The following ADCY2 variants were observed in gnomAD, a reference collection of about 807,000 sequenced individuals.
ADCY2 encodes adenylate cyclase 2, also known as adenylate cyclase type 2.
Under a neutral mutation model 125.2 loss-of-function variants are expected in ADCY2, and 31 were observed. That is an observed-to-expected ratio of 0.25 (90% CI 0.19 to 0.33). The LOEUF (loss-of-function observed/expected upper bound fraction) is 0.33, where lower values mean the gene tolerates loss of function less well. ADCY2 is among the 10% of genes least tolerant of loss of function. The pLI is 1.00. For missense variants in ADCY2, 904 were observed against 1,418.2 expected, an observed-to-expected ratio of 0.64 and a Z score of 5.82; for synonymous variants, 512 against 548.4, an observed-to-expected ratio of 0.93 and a Z score of 0.93.
intron 16 of ADCY2, among the ~76,000 whole-genome samples, chr5:7,761,154 T>TTTCTTTTC (rs1427986793): frequency 3.7e-4 from 48 of 129,644 alleles, no homozygotes; most frequent in African/African-American, 1.4e-3. Flanking sequence ...TTTTCTTTTT[T>TTTCTTTTC]TTTTTTTTTT....
At chr5:7,750,314 A>G (rs955830273) in intron 15 of ADCY2, among the ~76,000 whole-genome samples, 2 of 152,162 alleles carry the variant, frequency 1.3e-5, no homozygotes, top group African/African-American at 4.8e-5. Flanking sequence ...CACATGATTA[A>G]CAAAGTATAT....
chr5:7,556,032 T>TA (rs1325323447), intron 3 of ADCY2, among the ~76,000 whole-genome samples: 1 of 152,090 alleles, frequency 6.6e-6, no homozygotes, highest in Non-Finnish European at 1.5e-5. Flanking sequence ...ATAAAAATGA[T>TA]AAAAAACTTA....
chr5:7,614,827 C>A (rs1405323048), intron 3 of ADCY2, among the ~76,000 whole-genome samples: 1 of 152,222 alleles, frequency 6.6e-6, no homozygotes, highest in East Asian at 1.9e-4. Context: ...TGTTGGGTAG[C>A]TGATTCCCCA....
chr5:7,598,153 G>C (rs575270513), intron 3 of ADCY2, among the ~76,000 whole-genome samples: 2 of 152,208 alleles, frequency 1.3e-5, no homozygotes, highest in Non-Finnish European at 2.9e-5. Flanking sequence ...GAGCTAAAAA[G>C]CTTTCGTCTT....
chr5:7,692,548 A>G (rs1561170152), intron 5 of ADCY2, among the ~76,000 whole-genome samples: 1 of 152,244 alleles, frequency 6.6e-6, no homozygotes, highest in South Asian at 2.1e-4. Context: ...CTATACAATT[A>G]TAGAAGAAAC....
At chr5:7,498,229 T>C (rs1353011263) in intron 2 of ADCY2, among the ~76,000 whole-genome samples, 1 of 150,716 alleles carries the variant, frequency 6.6e-6, no homozygotes, top group Non-Finnish European at 1.5e-5. Context: ...AAAACTCTTT[T>C]TCTTTTTTCG....
At chr5:7,569,885 A>G (rs1289596861) in intron 3 of ADCY2, among the ~76,000 whole-genome samples, 4 of 152,176 alleles carry the variant, frequency 2.6e-5, no homozygotes, top group Admixed American at 2.0e-4. Flanking sequence ...TCAGTCTTCT[A>G]CTCACACGTG....
intron 2 of ADCY2, among the ~76,000 whole-genome samples, chr5:7,495,929 G>A (rs1041196183): frequency 3.3e-5 from 5 of 152,058 alleles, no homozygotes; most frequent in South Asian, 2.1e-4. Context: ...TTTCTTTCAC[G>A]CCTACCAATA....
At position 7,730,246 on chromosome 5, in the gene ADCY2, C is replaced by T. The variant is rs560576210; in HGVS notation, c.1871+2985C>T. On this transcript the variant is annotated intron_variant, in intron 14 of 24. Coordinates refer to ENST00000338316, the MANE Select transcript of ADCY2 (RefSeq NM_020546.3). ...TTTTTTTGGCAGAGTAATTTTCCAT[C>T]GTGTATGTATGCTACATTTCATTTA... 9.4e-4 allele frequency among the ~76,000 whole-genome samples: 143 copies of T among 152,272 alleles called. 2 individuals carry two copies. The highest frequency in any genetic ancestry group is 1.6e-3 in the Non-Finnish European group (111 of 68,020).
At chr5:7,718,108 A>G (rs1272774778) in intron 12 of ADCY2, among the ~76,000 whole-genome samples, 4 of 151,782 alleles carry the variant, frequency 2.6e-5, no homozygotes. Context: ...AGGGCCTCAA[A>G]TAGTGCATGG....
At chr5:7,660,225 A>G (rs1739473335) in intron 4 of ADCY2, among the ~76,000 whole-genome samples, 1 of 126,648 alleles carries the variant, frequency 7.9e-6, no homozygotes. Context: ...GGAGGGAGGG[A>G]GGGAGGGAGG....
chr5:7,533,073 A>T (rs951736628), intron 3 of ADCY2, among the ~76,000 whole-genome samples: 5 of 149,746 alleles, frequency 3.3e-5, no homozygotes, highest in African/African-American at 1.2e-4. Context: ...ATATATACAT[A>T]TATAAACATA....
chr5:7,566,627 A>G (rs181763615), intron 3 of ADCY2, among the ~76,000 whole-genome samples: 139 of 152,274 alleles, frequency 9.1e-4, no homozygotes, highest in African/African-American at 2.6e-3. Context: ...GTAGATGTCA[A>G]CTTCGCAACA....
At chr5:7,534,781 T>A (rs1298863754) in intron 3 of ADCY2, among the ~76,000 whole-genome samples, 1 of 152,236 alleles carries the variant, frequency 6.6e-6, no homozygotes, top group Non-Finnish European at 1.5e-5. Context: ...GCGGTGTCAG[T>A]GTCCCTGGAC....
At chr5:7,540,918 A>G (rs1329116728) in intron 3 of ADCY2, among the ~76,000 whole-genome samples, 1 of 152,188 alleles carries the variant, frequency 6.6e-6, no homozygotes, top group Non-Finnish European at 1.5e-5. Flanking sequence ...TCCGTCCTGT[A>G]CTTTGGAGTT....
chr5:7,483,138 T>C (rs1393735314), intron 2 of ADCY2, among the ~76,000 whole-genome samples: 1 of 152,140 alleles, frequency 6.6e-6, no homozygotes. Context: ...TAATTTATTG[T>C]ATATTTCTAA....
intron 3 of ADCY2, among the ~76,000 whole-genome samples, chr5:7,591,721 A>C (rs1026645705): frequency 6.6e-6 from 1 of 152,170 alleles, no homozygotes; most frequent in African/African-American, 2.4e-5. Context: ...AGCTCTGGGC[A>C]AAAACCCAGG....
At chr5:7,596,044 C>G (rs1415129855) in intron 3 of ADCY2, among the ~76,000 whole-genome samples, 2 of 151,928 alleles carry the variant, frequency 1.3e-5, no homozygotes, top group Admixed American at 6.6e-5. Flanking sequence ...ATAATCCTTT[C>G]TTAGGATTAT....
chr5:7,727,128 A>G (rs1741957472), intron 13 of ADCY2, 36 bp from the exon 14 acceptor site: 3 of 1,516,214 alleles, frequency 2.0e-6, no homozygotes, highest in Non-Finnish European at 2.7e-6. Context: ...CTTCTCTTGG[A>G]GAACTGTCAC....
Sources: gnomAD v4.1 joint callset for allele counts (sites outside exome capture counted in the v4.1 genomes callset) on GRCh38, gnomAD v4.1.1 for gene constraint, MANE v1.5 for transcripts, NCBI Gene and HGNC (gene_info 2026-07-23, HGNC 2026-07-21) for gene names.